Variants in PDCD10 observed in about 807,000 individuals in gnomAD.
PDCD10 encodes the protein programmed cell death 10, also known as programmed cell death protein 10.
PDCD10 carries 4 observed loss-of-function variants against 29.2 expected under a neutral mutation model. The observed-to-expected ratio is 0.14, with a 90% confidence interval of 0.07 to 0.31. The LOEUF is 0.31. Among genes scored for constraint, PDCD10 ranks in the 10% least tolerant of loss-of-function variants. The probability of loss-of-function intolerance (pLI) is 1.00; values close to 1 mark genes in which losing one functional copy is unlikely to be tolerated. For missense variants in PDCD10, 183 were observed against 257.9 expected (o/e 0.71, Z 1.99); for synonymous variants, 70 against 82.2 (o/e 0.85, Z 0.80).
intron 2 of PDCD10, among the ~76,000 whole-genome samples, chr3:167,726,461 A>G (rs1465261797): frequency 6.6e-6 from 1 of 152,164 alleles, no homozygotes; most frequent in Non-Finnish European, 1.5e-5. Context: ...TTCTACACAT[A>G]GATAGACAGT....
intron 4 of PDCD10, among the ~76,000 whole-genome samples, chr3:167,698,383 CT>C (rs912323116): frequency 6.6e-6 from 1 of 151,964 alleles, no homozygotes; most frequent in African/African-American, 2.4e-5. Context: ...AAAGAATCTA[CT>C]TTTTAGCCAG....
At chr3:167,689,664 T>C (rs966555167) in intron 6 of PDCD10, among the ~76,000 whole-genome samples, 2 of 151,706 alleles carry the variant, frequency 1.3e-5, no homozygotes, top group Non-Finnish European at 2.9e-5. Context: ...ATCTCTATTT[T>C]AAAAGGGGGT....
rs1719331382 is a variant in PDCD10 at position 167,684,252 on chromosome 3, G to T, written c.*56C>A. The T allele has an allele frequency of 1.1e-6, 1 of 945,118 alleles. No homozygotes were observed. Among genetic ancestry groups the T allele is most frequent in the Admixed American group, 1.7e-5 (1 of 58,928 alleles). The allele number at this position is 945,118 out of a possible 1,614,324, so 58.5% of individuals were successfully genotyped here. A position where few individuals can be genotyped will look rare whatever the true frequency, so the allele number is the denominator to read the frequency against. On this transcript the variant is annotated 3_prime_UTR_variant, in exon 9 of 9. Transcript: ENST00000392750. ...ATACAGTCAAACTTTAAAATTTACA[G>T]ATAAAGGCAGTTCAATACTGCCACT...
chr3:167,708,312 TAA>T (rs1408484067), intron 3 of PDCD10, among the ~76,000 whole-genome samples: 1 of 152,100 alleles, frequency 6.6e-6, no homozygotes, highest in Admixed American at 6.5e-5. Context: ...ACTCAAGTTT[TAA>T]AAGACTCCTG....
chr3:167,721,086 G>A (rs1241218869), intron 2 of PDCD10, among the ~76,000 whole-genome samples: 1 of 151,994 alleles, frequency 6.6e-6, no homozygotes, highest in Non-Finnish European at 1.5e-5. Flanking sequence ...CTTTACTATG[G>A]TTTAAAAAAA....
intron 2 of PDCD10, among the ~76,000 whole-genome samples, chr3:167,722,085 G>A (rs1034690559): frequency 6.6e-6 from 1 of 152,076 alleles, no homozygotes; most frequent in African/African-American, 2.4e-5. Context: ...GGGAAAAGGA[G>A]GATGGCTAAA....
At chr3:167,711,940 T>C (rs2108459075) in intron 3 of PDCD10, among the ~76,000 whole-genome samples, 1 of 152,044 alleles carries the variant, frequency 6.6e-6, no homozygotes, top group South Asian at 2.1e-4. Context: ...GAAGGAGAAA[T>C]AAAGACCTTC....
intron 3 of PDCD10, among the ~76,000 whole-genome samples, chr3:167,705,982 C>T (rs1721930129): frequency 6.6e-6 from 1 of 152,006 alleles, no homozygotes; most frequent in Non-Finnish European, 1.5e-5. Flanking sequence ...TGATAGGAAC[C>T]CATTTCCTTA....
rs1162659600 is a variant in PDCD10, at chr3:167,683,770, TGATA to T, written c.*534_*537del. The T allele has an allele frequency of 6.6e-6, 1 of 150,858 alleles. No homozygotes were observed. The highest frequency in any genetic ancestry group is 1.5e-5 in the Non-Finnish European group (1 of 67,642). 9.3% of individuals were successfully genotyped at this position (150,858 alleles called of 1,614,324 possible). A position where few individuals can be genotyped will look rare whatever the true frequency, so the allele number is the denominator to read the frequency against. ...AAATAGAAATTCTTGCTTTATTATTTGATAAACTGCTGATAAGCTCCCATTAGAA... is the reference window on the plus strand; with the variant it reads ...AAATAGAAATTCTTGCTTTATTATTTAACTGCTGATAAGCTCCCATTAGAA... On this transcript the variant is annotated 3_prime_UTR_variant, in exon 9 of 9. Transcript: ENST00000392750.
intron 2 of PDCD10, among the ~76,000 whole-genome samples, 180 bp from the exon 3 acceptor site, chr3:167,720,453 C>A (rs1310022758): frequency 1.3e-5 from 2 of 152,106 alleles, no homozygotes; most frequent in East Asian, 1.9e-4. Flanking sequence ...AAAGACTCAA[C>A]AACTGCCCTT....
In PDCD10 at chr3:167,695,656, T is replaced by C. The variant is rs1720724674; in HGVS notation, c.335A>G (p.Gln112Arg). The C allele has an allele frequency of 1.2e-6, 2 of 1,613,140 alleles. No individual in the cohort carries two copies. The highest frequency in any genetic ancestry group is 3.3e-5 in the Admixed American group (2 of 60,014). Residue 112 changes from glutamine to arginine, a missense_variant, in exon 6 of 9, where the codon CAA becomes CGA. Coordinates refer to ENST00000392750, the MANE Select transcript of PDCD10 (RefSeq NM_007217.4). The part of the protein sequence containing the change: ...DLNEKARALK[Q>R]ILSKIPDEIN... ...CTCATCTGGGATCTTACTGAGAATT[T>C]GTTTAAGTGCTCGTGCCTTTTCGTT...
At chr3:167,712,919 A>T (rs1346060324) in intron 3 of PDCD10, among the ~76,000 whole-genome samples, 1 of 152,072 alleles carries the variant, frequency 6.6e-6, no homozygotes, top group African/African-American at 2.4e-5. Flanking sequence ...TTGTAAATAT[A>T]TATGCACCCA....
chr3:167,732,098 T>G (rs1184396157), intron 2 of PDCD10, among the ~76,000 whole-genome samples: 1 of 152,188 alleles, frequency 6.6e-6, no homozygotes, highest in Non-Finnish European at 1.5e-5. Context: ...TATTTGAATA[T>G]TTAAGTCACG....
intron 5 of PDCD10, 47 bp downstream of exon 5, chr3:167,696,962 G>T: frequency 1.1e-6 from 1 of 919,772 alleles, no homozygotes; most frequent in Non-Finnish European, 1.8e-6. Context: ...TAGAGGAAGT[G>T]CTATTTAACA....
chr3:167,700,680 G>C (rs1010130311), intron 4 of PDCD10, among the ~76,000 whole-genome samples: 3 of 152,070 alleles, frequency 2.0e-5, no homozygotes, highest in Non-Finnish European at 4.4e-5. Context: ...GTCATTCTAT[G>C]ACAACTTAAA....
chr3:167,733,250 C>T (rs1049708898), intron 2 of PDCD10, among the ~76,000 whole-genome samples: 21 of 152,150 alleles, frequency 1.4e-4, no homozygotes, highest in African/African-American at 4.8e-4. Flanking sequence ...ACATGCTAAC[C>T]TGTATGGATA....
intron 4 of PDCD10, among the ~76,000 whole-genome samples, chr3:167,699,073 T>A (rs1721102891): frequency 6.6e-6 from 1 of 152,266 alleles, no homozygotes. Context: ...AAACAATTTT[T>A]ACTCTGTTCT....
chr3:167,684,921 C>G (rs1719428712), intron 8 of PDCD10, among the ~76,000 whole-genome samples: 1 of 151,218 alleles, frequency 6.6e-6, no homozygotes, highest in South Asian at 2.1e-4. Context: ...AATAATCATG[C>G]AGTTTCAAAA....
intron 2 of PDCD10, 23 bp downstream of exon 2, chr3:167,734,191 G>C (rs768307654): frequency 5.3e-5 from 8 of 152,174 alleles, no homozygotes; most frequent in Non-Finnish European, 8.8e-5. Context: ...CGCTCTGAAA[G>C]CAGTAAAGGA....
Sources: allele counts gnomAD v4.1 joint callset (sites outside exome capture counted in the v4.1 genomes callset), GRCh38; gene constraint gnomAD v4.1.1; transcripts MANE v1.5; gene names NCBI Gene and HGNC (gene_info 2026-07-23, HGNC 2026-07-21).